The following SNX1 variants were observed in gnomAD, a reference collection of about 807,000 sequenced individuals.
SNX1 encodes sorting nexin-1.
In SNX1, 36 loss-of-function variants were observed where a neutral mutation model predicts 71.8. The ratio of observed to expected loss-of-function variants is 0.50; its 90% CI spans 0.38 to 0.66. The LOEUF is 0.66. Ranked by LOEUF, SNX1 falls within the 30% of genes least tolerant of loss-of-function variation. SNX1 has a pLI of 0.00. For missense variants in SNX1, 612 were observed against 646.7 expected, an observed-to-expected ratio of 0.95 and a Z score of 0.58; for synonymous variants, 254 against 240.7, an observed-to-expected ratio of 1.06 and a Z score of -0.51.
chr15:64,110,192 G>A, intron 1 of SNX1, among the ~76,000 whole-genome samples: 1 of 152,148 alleles, frequency 6.6e-6, no homozygotes. Flanking sequence ...GTTTTACATA[G>A]GTAGAAGATT....
At chr15:64,135,181 G>C (rs892303858) in intron 12 of SNX1, among the ~76,000 whole-genome samples, 1 of 151,828 alleles carries the variant, frequency 6.6e-6, no homozygotes, top group Non-Finnish European at 1.5e-5. Flanking sequence ...GCAGTGGCGC[G>C]ATCTCAGCTC....
rs375049963 is a variant in SNX1 at position 64,123,430 on chromosome 15, C to T, written c.467-73C>T. ...AGGGTTCCTATGGCTTTTATGATTC[C>T]TGGTCAAATGTTAGCTGGATTGGCA... On this transcript the variant is annotated intron_variant, in intron 4 of 14. Coordinates refer to ENST00000559844, the MANE Select transcript of SNX1 (RefSeq NM_003099.5). 322 of 1,314,256 alleles carry T rather than the reference C, an allele frequency of 2.5e-4. 2 individuals are homozygous for T. In the African/African-American group the frequency reaches 4.1e-3, roughly 17 times the overall value. The allele number at this position is 1,314,256 out of a possible 1,614,324, so 81.4% of individuals were successfully genotyped here.
chr15:64,135,500 G>A (rs2081349895), intron 12 of SNX1, among the ~76,000 whole-genome samples: 2 of 149,226 alleles, frequency 1.3e-5, no homozygotes. Context: ...GCTCACGCCT[G>A]TAATACCAGC....
At chr15:64,132,918 G>C (rs1567332174) in intron 11 of SNX1, among the ~76,000 whole-genome samples, 1 of 152,206 alleles carries the variant, frequency 6.6e-6, no homozygotes, top group Non-Finnish European at 1.5e-5. Flanking sequence ...AACTGGGCAG[G>C]CTACTTAGAC....
chr15:64,108,426 G>C (rs2081044378), intron 1 of SNX1, among the ~76,000 whole-genome samples: 1 of 152,102 alleles, frequency 6.6e-6, no homozygotes, highest in South Asian at 2.1e-4. Flanking sequence ...AGGTGGCTTT[G>C]TATTTTGATA....
At chr15:64,124,488 C>T (rs1291291848) in intron 5 of SNX1, among the ~76,000 whole-genome samples, 1 of 130,840 alleles carries the variant, frequency 7.6e-6, no homozygotes, top group Non-Finnish European at 1.6e-5. Flanking sequence ...GCCTGGGCGA[C>T]AGAGGGAGAC....
At chr15:64,119,672 T>C (rs1234560100) in intron 4 of SNX1, among the ~76,000 whole-genome samples, 1 of 149,954 alleles carries the variant, frequency 6.7e-6, no homozygotes, top group Non-Finnish European at 1.5e-5. Context: ...TGCAGTGAGC[T>C]GAGATCATGC....
intron 4 of SNX1, among the ~76,000 whole-genome samples, chr15:64,119,580 C>G (rs2081170258): frequency 6.6e-6 from 1 of 152,026 alleles, no homozygotes; most frequent in Non-Finnish European, 1.5e-5. Flanking sequence ...AAAAATTGAC[C>G]AGGCATGGTG....
At chr15:64,110,481 C>T (rs769884636) in intron 1 of SNX1, among the ~76,000 whole-genome samples, 28 of 152,282 alleles carry the variant, frequency 1.8e-4, no homozygotes, top group Non-Finnish European at 2.9e-4. Context: ...ACTGCAACCT[C>T]GACCTCCTGG....
intron 5 of SNX1, among the ~76,000 whole-genome samples, chr15:64,124,438 C>T (rs898583362): frequency 2.7e-5 from 4 of 145,968 alleles, no homozygotes; most frequent in East Asian, 4.0e-4. Flanking sequence ...ACCCGGGAGG[C>T]GGAGCTTGCA....
At chr15:64,125,723 T>A (rs2081243978) in intron 5 of SNX1, among the ~76,000 whole-genome samples, 1 of 152,190 alleles carries the variant, frequency 6.6e-6, no homozygotes, top group African/African-American at 2.4e-5. Context: ...ACTGAACATT[T>A]CTTTCTTTAG....
At chr15:64,124,506 CAAAAAAAAA>C (rs61561795) in intron 5 of SNX1, among the ~76,000 whole-genome samples, 1 of 64,088 alleles carries the variant, frequency 1.6e-5, no homozygotes, top group East Asian at 5.1e-4. Context: ...GACTCTGTCT[CAAAAAAAAA>C]AAAAAAAAAA....
In SNX1 at chr15:64,144,002, C is replaced by A. The variant is rs886851358; in HGVS notation, c.*6384C>A. On this transcript the variant is annotated 3_prime_UTR_variant, in exon 15 of 15. Coordinates refer to ENST00000559844, the MANE Select transcript of SNX1 (RefSeq NM_003099.5). This position sits in a 1 kb window ranked among gnomAD's most constrained non-coding sequence, Gnocchi z 4.3. ...GCTATATTCATTGACAAGGAAAACTCATATTTTTTAGTGAAAAAAGCAGGT... is the reference window on the plus strand; with the variant it reads ...GCTATATTCATTGACAAGGAAAACTAATATTTTTTAGTGAAAAAAGCAGGT... 2 of 152,102 alleles carry A rather than the reference C, an allele frequency of 1.3e-5. No individual in the cohort carries two copies. The highest frequency in any genetic ancestry group is 4.8e-5 in the African/African-American group (2 of 41,416). 9.4% of individuals were successfully genotyped at this position (152,102 alleles called of 1,614,324 possible).
At chr15:64,122,232 T>A (rs2081203283) in intron 4 of SNX1, among the ~76,000 whole-genome samples, 1 of 152,186 alleles carries the variant, frequency 6.6e-6, no homozygotes, top group African/African-American at 2.4e-5. Context: ...GTGAATGAAA[T>A]TTTGAATATT....
At chr15:64,109,720 C>T (rs1275458349) in intron 1 of SNX1, among the ~76,000 whole-genome samples, 2 of 152,098 alleles carry the variant, frequency 1.3e-5, no homozygotes, top group Non-Finnish European at 2.9e-5. Context: ...GTTGGCCAGG[C>T]TGGTCTCAAA....
chr15:64,106,229 G>T (rs1489638221), intron 1 of SNX1, among the ~76,000 whole-genome samples: 1 of 152,136 alleles, frequency 6.6e-6, no homozygotes, highest in East Asian at 1.9e-4. Flanking sequence ...TAATGAAAAT[G>T]AAATTATAAT....
intron 1 of SNX1, among the ~76,000 whole-genome samples, chr15:64,096,755 A>G (rs1375167261): frequency 6.6e-6 from 1 of 152,198 alleles, no homozygotes; most frequent in Non-Finnish European, 1.5e-5. Flanking sequence ...CAGATAAATC[A>G]CTACATAGAT....
At chr15:64,115,931 A>G (rs1210420136) in intron 2 of SNX1, among the ~76,000 whole-genome samples, 1 of 152,214 alleles carries the variant, frequency 6.6e-6, no homozygotes, top group Non-Finnish European at 1.5e-5. Flanking sequence ...GCATACTTCA[A>G]CTGGTTGCTT....
intron 1 of SNX1, among the ~76,000 whole-genome samples, chr15:64,106,162 T>C (rs948082768): frequency 2.6e-5 from 4 of 152,208 alleles, no homozygotes; most frequent in African/African-American, 9.7e-5. Context: ...GGTACTTCTA[T>C]TATGGTTTGT....
Sources: allele counts gnomAD v4.1 joint callset (sites outside exome capture counted in the v4.1 genomes callset), GRCh38; gene constraint gnomAD v4.1.1; non-coding constraint Gnocchi (gnomAD v3.1); transcripts MANE v1.5; gene names NCBI Gene and HGNC (gene_info 2026-07-23, HGNC 2026-07-21).